The following MRPL30 variants were observed in gnomAD, a reference collection of about 807,000 sequenced individuals.
The protein encoded by MRPL30 is mitochondrial ribosomal protein L30.
In MRPL30, 10 loss-of-function variants were observed where a neutral mutation model predicts 17.2. The observed-to-expected ratio is 0.58, with a 90% confidence interval of 0.36 to 0.99. The LOEUF (loss-of-function observed/expected upper bound fraction) is 0.99, where lower values mean the gene tolerates loss of function less well. Ranked by LOEUF, MRPL30 falls within the 50% of genes least tolerant of loss-of-function variation. MRPL30 has a pLI of 0.01. For synonymous variants in MRPL30, 61 were observed against 62.1 expected (o/e 0.98, Z 0.08); for missense variants, 170 against 189.8 (o/e 0.90, Z 0.61).
chr2:99,198,181 C>T lies in MRPL30; in HGVS notation c.*2476C>T, dbSNP rs1324407952. Among the ~76,000 whole-genome samples the T allele has an allele frequency of 6.6e-6, 1 of 152,198 alleles. No individual in the cohort carries two copies. Among genetic ancestry groups the T allele is most frequent in the Admixed American group, 6.5e-5 (1 of 15,272 alleles). ...CTTTCTATTGCTGCAGAACAAATTA[C>T]CACAAACTTAGCTGCTTAAAACAAC... On this transcript the variant is annotated 3_prime_UTR_variant, in exon 6 of 6. Coordinates refer to ENST00000338148, the MANE Select transcript of MRPL30 (RefSeq NM_145212.4).
At chr2:99,192,533 G>T (rs2093948472) in intron 3 of MRPL30, among the ~76,000 whole-genome samples, 1 of 152,158 alleles carries the variant, frequency 6.6e-6, no homozygotes, top group Non-Finnish European at 1.5e-5. Flanking sequence ...ATGGCATCCA[G>T]CTTCATCCAT....
In MRPL30 at chr2:99,194,872, T is replaced by C. The variant is rs2093952622; in HGVS notation, c.254T>C (p.Ile85Thr). 8 of 1,577,608 alleles carry C rather than the reference T, an allele frequency of 5.1e-6. No individual in the cohort carries two copies. Among genetic ancestry groups the C allele is most frequent in the Non-Finnish European group, 6.9e-6 (8 of 1,164,526 alleles). The change falls in exon 4 of 6, where the codon ATA (isoleucine) becomes ACA (threonine). Residue 85 changes from isoleucine (I) to threonine (T), a missense_variant. Ile to Thr is a moderately conservative substitution (Grantham distance 89). Coordinates refer to ENST00000338148, the MANE Select transcript of MRPL30 (RefSeq NM_145212.4). ...AGACGTCCATATTGGGAAAAAGATA[T>C]AATAAAGATGCTTGGATTAGAAAAA... ...TRRRPYWEKD[I>T]IKMLGLEKAH...
intron 1 of MRPL30, among the ~76,000 whole-genome samples, chr2:99,181,670 A>G (rs1210138693): frequency 6.6e-6 from 1 of 152,090 alleles, no homozygotes; most frequent in African/African-American, 2.4e-5. Flanking sequence ...TTATAATGCA[A>G]ACATCCAAGA....
At position 99,197,014 on chromosome 2, in the gene MRPL30, A is replaced by G. The variant is rs905163117; in HGVS notation, c.*1309A>G. ...AATATTTTAGGATTTATTCAAAAAC[A>G]GACTATTCTGTTTTCAGCTTCAGAA... On this transcript the variant is annotated 3_prime_UTR_variant, in exon 6 of 6. Coordinates refer to ENST00000338148, the MANE Select transcript of MRPL30 (RefSeq NM_145212.4). 2.0e-5 allele frequency: 3 copies of G among 152,254 alleles called. No individual in the cohort carries two copies. Among genetic ancestry groups the G allele is most frequent in the African/African-American group, 7.2e-5 (3 of 41,474 alleles). The allele number at this position is 152,254 out of a possible 1,614,324, so 9.4% of individuals were successfully genotyped here.
chr2:99,181,703 A>G (rs909483683), intron 1 of MRPL30, among the ~76,000 whole-genome samples: 8 of 151,452 alleles, frequency 5.3e-5, no homozygotes, highest in African/African-American at 1.9e-4. Flanking sequence ...AATATTTGCC[A>G]TTTTATTAAA....
Position 99,195,116 on chromosome 2 carries a change from G to T in MRPL30, c.280G>T (p.Ala94Ser), listed in dbSNP as rs776755276. ...DIIKMLGLEK[A>S]HTPQVHKNIP... ...GTTGCTTTGTTGTTGTTGTTCACAG[G>T]CACATACCCCTCAAGTTCACAAGAA... Residue 94 changes from alanine to serine, a missense_variant and splice_region_variant, in exon 5 of 6, where the codon GCA (alanine) becomes TCA (serine). By Grantham distance (99) the Ala-to-Ser change is moderately conservative. Coordinates refer to ENST00000338148, the MANE Select transcript of MRPL30 (RefSeq NM_145212.4). 1 of 1,590,114 alleles carries T rather than the reference G, an allele frequency of 6.3e-7. No homozygotes were observed. Among genetic ancestry groups the T allele is most frequent in the Non-Finnish European group, 8.5e-7 (1 of 1,172,382 alleles).
At position 99,186,095 on chromosome 2, in the gene MRPL30, A is replaced by G. The variant is rs2093933478; in HGVS notation, c.-27-82A>G. 8.3e-6 allele frequency: 7 copies of G among 840,504 alleles called. No individual in the cohort carries two copies. The Admixed American group carries it at 1.6e-4, about 20-fold the overall frequency. The allele number at this position is 840,504 out of a possible 1,614,324, so 52.1% of individuals were successfully genotyped here. A position where few individuals can be genotyped will look rare whatever the true frequency, so the allele number is the denominator to read the frequency against. ...TAAGTTTACAATTAATTTGCTGCTT[A>G]GTTTTTTAATACTAGAGAAGGGGAA... On this transcript the variant is annotated intron_variant, in intron 1 of 5. Coordinates refer to ENST00000338148, the MANE Select transcript of MRPL30 (RefSeq NM_145212.4).
Position 99,191,497 on chromosome 2 carries a change from CTCTA to C in MRPL30, c.132+3245_133-3246del, listed in dbSNP as rs376254284. On this transcript the variant is annotated intron_variant, in intron 3 of 5. Transcript: ENST00000338148. ...AGTTATGTCAGTTAATGCTACCATC[CTCTA>C]TCTAATTTCCCAGACTAAAGACATC... Among the ~76,000 whole-genome samples, 37 of 152,272 alleles carry C rather than the reference CTCTA, an allele frequency of 2.4e-4. 1 individual carries two copies. Among genetic ancestry groups the C allele is most frequent in the African/African-American group, 8.2e-4 (34 of 41,542 alleles).
rs1223613056 is a variant in MRPL30, at chr2:99,198,522, TAAGAAC to T, written c.*2821_*2826del. Among the ~76,000 whole-genome samples the T allele has an allele frequency of 2.0e-5, 3 of 152,192 alleles. No homozygotes were observed. The highest frequency in any genetic ancestry group is 7.2e-5 in the African/African-American group (3 of 41,430). Reference sequence around the variant, plus strand: ...GTCACCTTTTTTGCATTCCATTCATTAAGAACAAGTTGCAGTTCCTACCTACACTCA... The same window carrying T: ...GTCACCTTTTTTGCATTCCATTCATTAAGTTGCAGTTCCTACCTACACTCA... On this transcript the variant is annotated 3_prime_UTR_variant, in exon 6 of 6. Coordinates refer to ENST00000338148, the MANE Select transcript of MRPL30 (RefSeq NM_145212.4).
chr2:99,189,513 A>G (rs1254834318), intron 3 of MRPL30, among the ~76,000 whole-genome samples: 1 of 152,202 alleles, frequency 6.6e-6, no homozygotes, highest in Non-Finnish European at 1.5e-5. Flanking sequence ...TTGCATAGAC[A>G]TACACAGTTT....
chr2:99,185,988 T>A (rs1229409446), intron 1 of MRPL30, among the ~76,000 whole-genome samples, 189 bp from the exon 2 acceptor site: 2 of 152,270 alleles, frequency 1.3e-5, no homozygotes, highest in Non-Finnish European at 2.9e-5. Flanking sequence ...CTAATGTGTA[T>A]AATTACTACC....
intron 2 of MRPL30, among the ~76,000 whole-genome samples, chr2:99,186,754 C>G (rs2093934748): frequency 6.6e-6 from 1 of 152,086 alleles, no homozygotes; most frequent in Non-Finnish European, 1.5e-5. Context: ...CATTGATTCC[C>G]CTTGGTCTGT....
rs145748719 is a variant in MRPL30, at chr2:99,198,237, T to C, written c.*2532T>C. 0.011 allele frequency among the ~76,000 whole-genome samples: 1,654 copies of C among 152,292 alleles called. 10 individuals carry two copies. The highest frequency in any genetic ancestry group is 0.027 in the Middle Eastern group (8 of 294). Reference sequence around the variant, plus strand: ...CTTATTGTCTCACAATGTTTGTGGGTCGGAAGTCTAGGCGTGGCTTAGCTG... The same window carrying C: ...CTTATTGTCTCACAATGTTTGTGGGCCGGAAGTCTAGGCGTGGCTTAGCTG... On this transcript the variant is annotated 3_prime_UTR_variant, in exon 6 of 6. Transcript: ENST00000338148.
chr2:99,190,813 T>C (rs1197669793), intron 3 of MRPL30, among the ~76,000 whole-genome samples: 2 of 152,068 alleles, frequency 1.3e-5, no homozygotes, highest in African/African-American at 4.8e-5. Flanking sequence ...GCTTCATACC[T>C]AGGTGATGGG....
chr2:99,186,643 G>A (rs1471304341), intron 2 of MRPL30, among the ~76,000 whole-genome samples: 2 of 152,122 alleles, frequency 1.3e-5, no homozygotes, highest in Non-Finnish European at 2.9e-5. Flanking sequence ...GATATTGAGA[G>A]TTAATCTTGT....
chr2:99,194,667 G>A, intron 3 of MRPL30, 84 bp from the exon 4 acceptor site: 1 of 1,197,392 alleles, frequency 8.4e-7, no homozygotes, highest in Non-Finnish European at 1.2e-6. Context: ...TTGTGTATGT[G>A]TGTGTGTCTT....
rs979894565 is a variant in MRPL30 at position 99,198,611 on chromosome 2, C to T, written c.*2906C>T. ...CAGGAGGCAGGGCTCATGGAGGCCTCCTTAAAGTCCCCCAGCCAAACCTGA... is the reference window on the plus strand; with the variant it reads ...CAGGAGGCAGGGCTCATGGAGGCCTTCTTAAAGTCCCCCAGCCAAACCTGA... On this transcript the variant is annotated 3_prime_UTR_variant, in exon 6 of 6. Transcript: ENST00000338148. Among the ~76,000 whole-genome samples the T allele has an allele frequency of 6.6e-6, 1 of 152,164 alleles. No homozygotes were observed. The highest frequency in any genetic ancestry group is 1.5e-5 in the Non-Finnish European group (1 of 68,030).
At chr2:99,194,298 G>A (rs1254534475) in intron 3 of MRPL30, among the ~76,000 whole-genome samples, 3 of 152,088 alleles carry the variant, frequency 2.0e-5, no homozygotes, top group Non-Finnish European at 4.4e-5. Context: ...TAGCTCTGTG[G>A]AGCTGTTTCT....
intron 2 of MRPL30, among the ~76,000 whole-genome samples, chr2:99,187,902 T>C (rs534254885): frequency 6.6e-6 from 1 of 152,176 alleles, no homozygotes; most frequent in Non-Finnish European, 1.5e-5. Context: ...GTTTTGGCAA[T>C]GGAGACTACA....
Sources: gnomAD v4.1 joint callset for allele counts (sites outside exome capture counted in the v4.1 genomes callset) on GRCh38, gnomAD v4.1.1 for gene constraint, MANE v1.5 for transcripts, NCBI Gene and HGNC (gene_info 2026-07-23, HGNC 2026-07-21) for gene names.